PGCKA1: variants seen among roughly 807,000 people sequenced by gnomAD.
PGCKA1 encodes the protein PDCD10 and GCKIII kinases-associated protein 1.
chr4:37,589,491 G>T, the PGCKA1 span, among the ~76,000 whole-genome samples: 11 of 152,012 alleles, frequency 7.2e-5, no homozygotes, highest in African/African-American at 2.7e-4. Context: ...CCACTGAGAG[G>T]ATATACTCCT....
the PGCKA1 span, among the ~76,000 whole-genome samples, chr4:37,493,715 C>T: frequency 0.019 from 2,830 of 152,234 alleles, 117 homozygotes; most frequent in African/African-American, 0.065. Context: ...CCCACCTCCC[C>T]ATCCTCCATG....
At chr4:37,500,611 A>G in the PGCKA1 span, among the ~76,000 whole-genome samples, 2 of 152,124 alleles carry the variant, frequency 1.3e-5, no homozygotes, top group Non-Finnish European at 2.9e-5. Context: ...GGTGGTGGAG[A>G]GTTCTGTAGA....
chr4:37,481,464 CAAAAAAAAAAAAAAAA>C, the PGCKA1 span, among the ~76,000 whole-genome samples: 79 of 61,436 alleles, frequency 1.3e-3, no homozygotes, highest in Non-Finnish European at 1.7e-3. Context: ...GACCTGTCTC[CAAAAAAAAAAAAAAAA>C]AAAAAAAAAA....
At chr4:37,487,680 C>T in the PGCKA1 span, among the ~76,000 whole-genome samples, 9 of 151,074 alleles carry the variant, frequency 6.0e-5, no homozygotes, top group East Asian at 1.9e-3. Context: ...AATGACTGTT[C>T]TAATTTTTAA....
chr4:37,589,668 G>C, the PGCKA1 span, among the ~76,000 whole-genome samples: 5 of 152,104 alleles, frequency 3.3e-5, no homozygotes, highest in Admixed American at 1.3e-4. Flanking sequence ...GTCTCGCTCT[G>C]TCATCCAGGC....
At chr4:37,501,692 G>T in the PGCKA1 span, among the ~76,000 whole-genome samples, 1 of 152,146 alleles carries the variant, frequency 6.6e-6, no homozygotes, top group Non-Finnish European at 1.5e-5. Flanking sequence ...TCTGAAAAAG[G>T]TTTCAATGTA....
the PGCKA1 span, among the ~76,000 whole-genome samples, chr4:37,515,864 A>G: frequency 6.6e-6 from 1 of 152,254 alleles, no homozygotes; most frequent in Non-Finnish European, 1.5e-5. Flanking sequence ...TTATAAGAGC[A>G]ATGTTTGGCA....
chr4:37,492,301 G>A, the PGCKA1 span, among the ~76,000 whole-genome samples: 8 of 152,136 alleles, frequency 5.3e-5, no homozygotes, highest in Non-Finnish European at 1.2e-4. This position sits in a 1 kb window ranked among gnomAD's most constrained non-coding sequence, Gnocchi z 4.7. Flanking sequence ...AGTCATTGGC[G>A]TTCTGCTCAT....
the PGCKA1 span, among the ~76,000 whole-genome samples, chr4:37,510,069 T>C: frequency 6.6e-6 from 1 of 152,172 alleles, no homozygotes. Context: ...TTTTAATTAT[T>C]TTAATCTCTT....
chr4:37,518,465 TA>T, the PGCKA1 span, among the ~76,000 whole-genome samples: 126 of 152,338 alleles, frequency 8.3e-4, no homozygotes, highest in African/African-American at 3.0e-3. Context: ...CAAGCCATTT[TA>T]ACTGGGGTGA....
the PGCKA1 span, among the ~76,000 whole-genome samples, chr4:37,499,795 C>T: frequency 6.6e-6 from 1 of 151,550 alleles, no homozygotes; most frequent in Non-Finnish European, 1.5e-5. Context: ...ATCTCTCAAT[C>T]TTCTTCAGTT....
the PGCKA1 span, among the ~76,000 whole-genome samples, chr4:37,513,002 C>T: frequency 1.8e-4 from 27 of 151,610 alleles, no homozygotes; most frequent in Admixed American, 9.2e-4. Context: ...GTAGGAGAAT[C>T]GCTTGAACCT....
At chr4:37,461,423 C>A in the PGCKA1 span, among the ~76,000 whole-genome samples, 1 of 151,974 alleles carries the variant, frequency 6.6e-6, no homozygotes, top group South Asian at 2.1e-4. Flanking sequence ...TGGCTATTTT[C>A]AAGATATTGA....
the PGCKA1 span, among the ~76,000 whole-genome samples, chr4:37,522,901 A>G: frequency 6.6e-6 from 1 of 151,980 alleles, no homozygotes; most frequent in Admixed American, 6.6e-5. Context: ...CTCCTCAAGC[A>G]GAAGGAAAGG....
At chr4:37,471,043 T>C in the PGCKA1 span, among the ~76,000 whole-genome samples, 4 of 152,200 alleles carry the variant, frequency 2.6e-5, no homozygotes, top group Non-Finnish European at 5.9e-5. Context: ...AATAAAATTA[T>C]TGAATTCTAT....
chr4:37,563,039 C>T, the PGCKA1 span, among the ~76,000 whole-genome samples: 1 of 151,946 alleles, frequency 6.6e-6, no homozygotes. Context: ...TCCAACTCTG[C>T]ACACGTAGGT....
At chr4:37,590,477 G>T in the PGCKA1 span, 1 of 1,610,946 alleles carries the variant, frequency 6.2e-7, no homozygotes, top group South Asian at 1.1e-5. Flanking sequence ...GAAGGAGGGG[G>T]CACCAGGAAA....
At chr4:37,549,723 T>C in the PGCKA1 span, among the ~76,000 whole-genome samples, 1 of 151,860 alleles carries the variant, frequency 6.6e-6, no homozygotes, top group Admixed American at 6.6e-5. Flanking sequence ...TTTAGAGGTG[T>C]TGGACTCAGT....
At chr4:37,551,025 C>T in the PGCKA1 span, among the ~76,000 whole-genome samples, 1 of 150,638 alleles carries the variant, frequency 6.6e-6, no homozygotes, top group Admixed American at 6.6e-5. Flanking sequence ...AAAAAAAAAA[C>T]AGTTACATGA....
Sources: gnomAD v4.1 joint callset for allele counts (sites outside exome capture counted in the v4.1 genomes callset) on GRCh38, gnomAD v4.1.1 for gene constraint, Gnocchi (gnomAD v3.1) non-coding constraint, MANE v1.5 for transcripts, NCBI Gene and HGNC (gene_info 2026-07-23, HGNC 2026-07-21) for gene names.